TGIF1: variants seen among roughly 807,000 people sequenced by gnomAD.
TGIF1 encodes the protein homeobox protein TGIF1.
In TGIF1, 4 loss-of-function variants were observed where a neutral mutation model predicts 19.3. The ratio of observed to expected loss-of-function variants is 0.21; its 90% CI spans 0.10 to 0.47. TGIF1 has a LOEUF of 0.47. TGIF1 is among the 20% of genes least tolerant of loss of function. The pLI is 0.98. For synonymous variants in TGIF1, 122 were observed against 129.3 expected (o/e 0.94, Z 0.38); for missense variants, 275 against 341.4 (o/e 0.81, Z 1.53).
At chr18:3,423,674 C>T (rs1312354535) in intron 2 of TGIF1, among the ~76,000 whole-genome samples, 2 of 151,616 alleles carry the variant, frequency 1.3e-5, no homozygotes, top group South Asian at 2.1e-4. Flanking sequence ...CAGAGCGAGA[C>T]TCCCATCTCA....
rs2082547319 is a variant in TGIF1 at position 3,431,554 on chromosome 18, A to G, written c.-45+13339A>G. ...TAGGGCTCCACAAATCCATACTGAT[A>G]CAAATAAGCAAACAAACAAATGGAG... is the stretch of plus-strand genomic sequence containing the variant. On this transcript the variant is annotated intron_variant, in intron 2 of 3. Coordinates refer to the TGIF1 transcript ENST00000401449. 2.0e-5 allele frequency among the ~76,000 whole-genome samples: 3 copies of G among 152,216 alleles called. 1 individual carries two copies. Among genetic ancestry groups the G allele is most frequent in the South Asian group, 4.1e-4 (2 of 4,836 alleles).
upstream of TGIF1, chr18:3,447,619 T>C (rs2082765329): frequency 6.3e-6 from 7 of 1,113,716 alleles, no homozygotes; most frequent in Non-Finnish European, 9.6e-6. Flanking sequence ...CAGCGTTGGC[T>C]GGGGGGAGGC....
chr18:3,448,518 C>T (rs889283623), upstream of TGIF1: 22 of 988,492 alleles, frequency 2.2e-5, no homozygotes, highest in Non-Finnish European at 2.6e-5. Flanking sequence ...CCCAGGACCG[C>T]GCTCCCCCCG....
At chr18:3,442,487 T>C (rs1375214362) in intron 2 of TGIF1, among the ~76,000 whole-genome samples, 2 of 152,274 alleles carry the variant, frequency 1.3e-5, no homozygotes. Flanking sequence ...CTTTGTCAGA[T>C]GAGCTTTTAA....
Position 3,444,460 on chromosome 18 carries a change from C to G in TGIF1, c.-44-11894C>G, listed in dbSNP as rs535443553. On this transcript the variant is annotated intron_variant, in intron 2 of 3. Coordinates refer to the TGIF1 transcript ENST00000401449. ...TGCTCCTCTCCCTCCTCCCACCCTC[C>G]TCACTCAAGTAAACCCCAGTGTCTG... Among the ~76,000 whole-genome samples, 4 of 152,172 alleles carry G rather than the reference C, an allele frequency of 2.6e-5. No homozygotes were observed. In the East Asian group the frequency reaches 7.7e-4, roughly 29 times the overall value.
intron 2 of TGIF1, among the ~76,000 whole-genome samples, chr18:3,419,745 C>T (rs1438220240): frequency 6.6e-6 from 1 of 152,220 alleles, no homozygotes; most frequent in Non-Finnish European, 1.5e-5. Flanking sequence ...GTGGCTCACG[C>T]CTGTAATCCC....
At chr18:3,427,419 G>A (rs2082486828) in intron 2 of TGIF1, among the ~76,000 whole-genome samples, 1 of 151,704 alleles carries the variant, frequency 6.6e-6, no homozygotes. Flanking sequence ...AGCCTCCCGA[G>A]TAGCTGGGAC....
At position 3,451,650 on chromosome 18, in the gene TGIF1, G is replaced by C; in HGVS notation, c.16+1145G>C. On this transcript the variant is annotated intron_variant, in intron 1 of 2. Transcript: ENST00000343820. This position sits in a 1 kb window ranked among gnomAD's most constrained non-coding sequence, Gnocchi z 5.4. ...TTCCTGGGGGGTAGCCTCAAGGCCA[G>C]CGGGGTTCCTTCGGCTGCGTTTCTG... 1 of 1,138,420 alleles carries C rather than the reference G, an allele frequency of 8.8e-7. No individual in the cohort carries two copies. Among genetic ancestry groups the C allele is most frequent in the Non-Finnish European group, 1.1e-6 (1 of 928,862 alleles). The allele number at this position is 1,138,420 out of a possible 1,614,324, so 70.5% of individuals were successfully genotyped here.
chr18:3,437,972 C>G (rs2082635252), intron 2 of TGIF1, among the ~76,000 whole-genome samples: 1 of 151,814 alleles, frequency 6.6e-6, no homozygotes, highest in African/African-American at 2.4e-5. Context: ...TAATCCCAGC[C>G]ACTTGGGAGA....
upstream of TGIF1, chr18:3,448,391 C>G: frequency 9.9e-7 from 1 of 1,009,000 alleles, no homozygotes; most frequent in African/African-American, 1.7e-5. Flanking sequence ...CGCTGGCCCC[C>G]TCCCTGCGCC....
chr18:3,450,530 A>G (rs2082874271), intron 1 of TGIF1, 25 bp downstream of exon 1: 3 of 1,558,114 alleles, frequency 1.9e-6, no homozygotes, highest in Non-Finnish European at 2.6e-6. Context: ...GGCTGCGCGC[A>G]CCAGAAGACG....
chr18:3,443,431 G>C (rs537359579), intron 2 of TGIF1, among the ~76,000 whole-genome samples: 14 of 151,172 alleles, frequency 9.3e-5, no homozygotes, highest in Non-Finnish European at 1.6e-4. Flanking sequence ...TTTCCAGATA[G>C]GGTTTCGCTC....
Position 3,453,434 on chromosome 18 carries a change from C to A in TGIF1, c.17-2920C>A, listed in dbSNP as rs528320510. Among the ~76,000 whole-genome samples the A allele has an allele frequency of 1.1e-4, 17 of 152,110 alleles. 1 individual carries two copies. In the South Asian group the frequency reaches 3.5e-3, roughly 32 times the overall value. On this transcript the variant is annotated intron_variant, in intron 1 of 2. Transcript: ENST00000343820. ...GGGCGCGGTGGTTCACGCCTGTAAT[C>A]CCAGCACTTTGGGAGGCCTAGGCGA... is the stretch of plus-strand genomic sequence containing the variant.
chr18:3,456,167 C>T lies in TGIF1; in HGVS notation c.17-187C>T, dbSNP rs957327122. 2.3e-5 allele frequency: 16 copies of T among 701,820 alleles called. No homozygotes were observed. Among genetic ancestry groups the T allele is most frequent in the Admixed American group, 1.8e-4 (9 of 50,726 alleles). The allele number at this position is 701,820 out of a possible 1,614,324, so 43.5% of individuals were successfully genotyped here. On this transcript the variant is annotated intron_variant, in intron 1 of 2. Transcript: ENST00000343820. This position sits in a 1 kb window ranked among gnomAD's most constrained non-coding sequence, Gnocchi z 4.2. ...AGGCATCTGGCATTTGGTTGAGAGC[C>T]TCCTATGTGGTGCTAGTCAAACTAC...
chr18:3,441,740 T>G (rs1175352508), intron 2 of TGIF1, among the ~76,000 whole-genome samples: 1 of 152,250 alleles, frequency 6.6e-6, no homozygotes, highest in Non-Finnish European at 1.5e-5. Flanking sequence ...CCGAAGGTAG[T>G]CAATTATCCC....
chr18:3,423,957 A>T (rs1304729855), intron 2 of TGIF1, among the ~76,000 whole-genome samples: 1 of 152,090 alleles, frequency 6.6e-6, no homozygotes, highest in Non-Finnish European at 1.5e-5. Context: ...GCTATCTTAA[A>T]CTAAAGAGGG....
Position 3,458,002 on chromosome 18 carries a change from G to A in TGIF1, c.*62G>A, listed in dbSNP as rs1051495561. On this transcript the variant is annotated 3_prime_UTR_variant, in exon 3 of 3. Transcript: ENST00000343820. ...GATTGCCGGGGTGAAGGCAAGAGAT[G>A]AATTGCATTATTTTATATATTTTTT... The A allele has an allele frequency of 7.0e-7, 1 of 1,428,154 alleles. No individual in the cohort carries two copies. The highest frequency in any genetic ancestry group is 9.7e-7 in the Non-Finnish European group (1 of 1,030,186). 88.5% of individuals were successfully genotyped at this position (1,428,154 alleles called of 1,614,324 possible).
chr18:3,447,589 A>G, upstream of TGIF1: 1 of 875,870 alleles, frequency 1.1e-6, no homozygotes, highest in South Asian at 1.4e-5. Flanking sequence ...AGAATCCGAA[A>G]CTCCAAACAA....
intron 2 of TGIF1, among the ~76,000 whole-genome samples, chr18:3,438,592 CACAA>C (rs1262626921): frequency 1.4e-5 from 2 of 144,024 alleles, no homozygotes; most frequent in Non-Finnish European, 1.5e-5. Flanking sequence ...ATTTCATACA[CACAA>C]ACACACACAC....
Sources: gnomAD v4.1 joint callset for allele counts (sites outside exome capture counted in the v4.1 genomes callset) on GRCh38, gnomAD v4.1.1 for gene constraint, Gnocchi (gnomAD v3.1) non-coding constraint, MANE v1.5 for transcripts, NCBI Gene and HGNC (gene_info 2026-07-23, HGNC 2026-07-21) for gene names.